FKBP15: variants seen among roughly 807,000 people sequenced by gnomAD.
The protein encoded by FKBP15 is FKBP prolyl isomerase family member 15, also known as FK506-binding protein 15.
In FKBP15, 106 loss-of-function variants were observed where a neutral mutation model predicts 158.1. That is an observed-to-expected ratio of 0.67 (90% CI 0.57 to 0.79). FKBP15 has a LOEUF of 0.79. Ranked by LOEUF, FKBP15 falls within the 30% of genes least tolerant of loss-of-function variation. The pLI, the probability that FKBP15 is intolerant of heterozygous loss-of-function variation, is 0.00. For synonymous variants in FKBP15, 547 were observed against 548.6 expected (o/e 1.00, Z 0.04); for missense variants, 1,287 against 1,479.1 (o/e 0.87, Z 2.13).
At chr9:113,174,606 T>C in intron 21 of FKBP15, 23 bp from the exon 22 acceptor site, 1 of 1,612,180 alleles carries the variant, frequency 6.2e-7, no homozygotes, top group Non-Finnish European at 8.5e-7. Context: ...AGAACCATCA[T>C]CAGCTCTAGC....
intron 2 of FKBP15, among the ~76,000 whole-genome samples, chr9:113,210,935 G>A (rs1830989044): frequency 6.6e-6 from 1 of 152,174 alleles, no homozygotes; most frequent in Non-Finnish European, 1.5e-5. Context: ...TCTCAGGCCT[G>A]CAGCCACAGA....
At position 113,184,405 on chromosome 9, in the gene FKBP15, A is replaced by G. The variant is rs781511755; in HGVS notation, c.1609-6T>C. 6.3e-7 allele frequency: 1 copy of G among 1,576,690 alleles called. No homozygotes were observed. The highest frequency in any genetic ancestry group is 1.1e-5 in the South Asian group (1 of 87,838). On this transcript the variant is annotated splice_region_variant and splice_polypyrimidine_tract_variant and intron_variant, in intron 16 of 27. Coordinates refer to ENST00000238256, the MANE Select transcript of FKBP15 (RefSeq NM_015258.2). This position sits in a 1 kb window ranked among gnomAD's most constrained non-coding sequence, Gnocchi z 4.5. ...TGTTTCTGTAACTCTTCAACCTACA[A>G]AAGGGATACCAGAAAGACCTTGTGA...
intron 6 of FKBP15, among the ~76,000 whole-genome samples, chr9:113,201,042 C>CAA (rs11339384): frequency 2.1e-5 from 2 of 96,262 alleles, no homozygotes; most frequent in Non-Finnish European, 4.2e-5. Flanking sequence ...GACTCTGTCT[C>CAA]AAAAAAAAAA....
chr9:113,161,642 G>C lies in FKBP15; in HGVS notation c.*4436C>G. 1 of 1,614,040 alleles carries C rather than the reference G, an allele frequency of 6.2e-7. No individual in the cohort carries two copies. The highest frequency in any genetic ancestry group is 8.5e-7 in the Non-Finnish European group (1 of 1,179,906). On this transcript the variant is annotated 3_prime_UTR_variant, in exon 28 of 28. Transcript: ENST00000238256. ...CCATCAGCCAGCAGACCATCGCAGAGACAGACGGGGACTCTGCAGGCTCAG... is the reference window on the plus strand; with the variant it reads ...CCATCAGCCAGCAGACCATCGCAGACACAGACGGGGACTCTGCAGGCTCAG...
chr9:113,220,804 C>T (rs1335886541), intron 1 of FKBP15, among the ~76,000 whole-genome samples: 7 of 152,212 alleles, frequency 4.6e-5, no homozygotes, highest in Admixed American at 4.6e-4. Context: ...AGCTGACCCA[C>T]CAAGGCCTGG....
chr9:113,204,672 T>G (rs1216011007), intron 4 of FKBP15, among the ~76,000 whole-genome samples: 2 of 152,234 alleles, frequency 1.3e-5, no homozygotes, highest in African/African-American at 2.4e-5. Context: ...TTCTTCTCTC[T>G]GTGCTTCAGT....
intron 1 of FKBP15, among the ~76,000 whole-genome samples, chr9:113,219,148 TAACA>T (rs1319832727): frequency 6.6e-6 from 1 of 152,032 alleles, no homozygotes; most frequent in Non-Finnish European, 1.5e-5. Flanking sequence ...TAAAACAAAC[TAACA>T]AACAAAAACA....
chr9:113,206,462 A>C, intron 4 of FKBP15, 47 bp downstream of exon 4: 1 of 1,470,204 alleles, frequency 6.8e-7, no homozygotes, highest in Non-Finnish European at 9.5e-7. Flanking sequence ...GCTCATTGGT[A>C]TTATTTGGGA....
intron 15 of FKBP15, 136 bp downstream of exon 15, chr9:113,186,110 ATAT>A (rs1489866819): frequency 1.6e-6 from 1 of 634,128 alleles, no homozygotes; most frequent in East Asian, 2.7e-5. Flanking sequence ...TGTGGAATAC[ATAT>A]TATATCTCAA....
At chr9:113,180,147 T>C (rs1239860481) in intron 19 of FKBP15, among the ~76,000 whole-genome samples, 2 of 152,228 alleles carry the variant, frequency 1.3e-5, no homozygotes, top group Non-Finnish European at 2.9e-5. Flanking sequence ...AGGGTTACTC[T>C]CTTGCTAAAG....
chr9:113,195,580 A>T (rs545121397), intron 9 of FKBP15, among the ~76,000 whole-genome samples: 1 of 152,340 alleles, frequency 6.6e-6, no homozygotes, highest in East Asian at 1.9e-4. Flanking sequence ...CAGTTAGGAA[A>T]GCGTCACTGA....
chr9:113,187,830 G>T lies in FKBP15; in HGVS notation c.1346C>A (p.Ser449Tyr), dbSNP rs751404100. The change falls in exon 14 of 28, where the codon TCC becomes TAC. Residue 449 changes from serine (S) to tyrosine (Y), a missense_variant. Coordinates refer to ENST00000238256, the MANE Select transcript of FKBP15 (RefSeq NM_015258.2). ...AALMQVSSLD[S>Y]HSAVSGNAQS... ...GGCATTTCCAGATACAGCTGAGTGG[G>T]AATCGAGAGATGACACTTGCATTAA... 26 of 1,613,840 alleles carry T rather than the reference G, an allele frequency of 1.6e-5. 1 individual carries two copies. In the Admixed American group the frequency reaches 4.2e-4, roughly 26 times the overall value.
Position 113,183,779 on chromosome 9 carries a change from TC to T in FKBP15, c.1782del (p.Ile595LeufsTer4). 6.2e-7 allele frequency: 1 copy of T among 1,613,630 alleles called. No homozygotes were observed. The highest frequency in any genetic ancestry group is 8.5e-7 in the Non-Finnish European group (1 of 1,179,612). On this transcript the variant is annotated frameshift_variant, in exon 18 of 28. Coordinates refer to ENST00000238256, the MANE Select transcript of FKBP15 (RefSeq NM_015258.2). LOFTEE classifies it high-confidence loss of function. ...KSNRIEEQND[K>X]ISELIERNQR... ...TGATTTCGTTCAATTAGTTCACTAA[TC>T]TTGTCATTCTGTTCTTCTATCCGAT...
In FKBP15 at chr9:113,162,877, T is replaced by A; in HGVS notation, c.*3201A>T. On this transcript the variant is annotated 3_prime_UTR_variant, in exon 28 of 28. Transcript: ENST00000238256. ...CTTGGTGTGGTCTTGGGCTCTGCTG[T>A]GGGCTACTACCTAGCTTACCCACTT... The A allele has an allele frequency of 6.2e-7, 1 of 1,613,208 alleles. No individual in the cohort carries two copies. The highest frequency in any genetic ancestry group is 1.7e-5 in the Admixed American group (1 of 59,998).
At chr9:113,182,683 A>G (rs1477295369) in intron 19 of FKBP15, 83 bp downstream of exon 19, 3 of 1,074,586 alleles carry the variant, frequency 2.8e-6, no homozygotes, top group African/African-American at 3.2e-5. Flanking sequence ...TCTGTTGGAA[A>G]GCCGACTGGT....
intron 2 of FKBP15, among the ~76,000 whole-genome samples, chr9:113,209,608 G>A (rs909648895): frequency 6.6e-6 from 1 of 152,212 alleles, no homozygotes. Context: ...CTTGGTTCCT[G>A]ACACACTGCT....
At chr9:113,193,837 C>G (rs1830621020) in intron 10 of FKBP15, among the ~76,000 whole-genome samples, 190 bp downstream of exon 10, 1 of 152,088 alleles carries the variant, frequency 6.6e-6, no homozygotes, top group Non-Finnish European at 1.5e-5. Context: ...TGAGTTAGTG[C>G]TTTTGTGGCC....
chr9:113,214,459 T>TC (rs1332879599), intron 1 of FKBP15, among the ~76,000 whole-genome samples: 30 of 152,346 alleles, frequency 2.0e-4, no homozygotes, highest in African/African-American at 7.0e-4. Flanking sequence ...GCTTTTTTTT[T>TC]CTGAACAGTG....
chr9:113,214,610 A>G (rs1214609569), intron 1 of FKBP15, among the ~76,000 whole-genome samples: 1 of 152,250 alleles, frequency 6.6e-6, no homozygotes, highest in Admixed American at 6.5e-5. Context: ...TTGGAATGGT[A>G]CATGAGCAAC....
Sources: gnomAD v4.1 joint callset for allele counts (sites outside exome capture counted in the v4.1 genomes callset) on GRCh38, gnomAD v4.1.1 for gene constraint, Gnocchi (gnomAD v3.1) non-coding constraint, MANE v1.5 for transcripts, NCBI Gene and HGNC (gene_info 2026-07-23, HGNC 2026-07-21) for gene names.